GLDN: variants seen among roughly 807,000 people sequenced by gnomAD.
GLDN encodes the protein collomin.
In GLDN, 47 loss-of-function variants were observed where a neutral mutation model predicts 56.5. That is an observed-to-expected ratio of 0.83 (90% CI 0.66 to 1.06). The LOEUF is 1.06. GLDN is among the 50% of genes least tolerant of loss of function. GLDN has a pLI of 0.00. For synonymous variants in GLDN, 332 were observed against 278.8 expected (o/e 1.19, Z -1.90); for missense variants, 782 against 714.3 (o/e 1.09, Z -1.08).
intron 1 of GLDN, among the ~76,000 whole-genome samples, chr15:51,374,736 CTTTTTT>C (rs71297688): frequency 9.1e-6 from 1 of 110,262 alleles, no homozygotes; most frequent in Non-Finnish European, 1.9e-5. Context: ...CTTTCTTTTC[CTTTTTT>C]TTTTTTTTTT....
intron 8 of GLDN, 31 bp downstream of exon 8, chr15:51,400,529 G>T: frequency 6.2e-7 from 1 of 1,600,912 alleles, no homozygotes; most frequent in Non-Finnish European, 8.5e-7. Flanking sequence ...ACCCATATCT[G>T]TGTGGTAACT....
intron 9 of GLDN, among the ~76,000 whole-genome samples, chr15:51,402,446 C>T (rs1292308451): frequency 1.3e-5 from 2 of 152,252 alleles, no homozygotes; most frequent in African/African-American, 2.4e-5. Flanking sequence ...TGGTTTCTGG[C>T]TCCAACTCTT....
intron 4 of GLDN, among the ~76,000 whole-genome samples, chr15:51,392,952 G>A (rs2038053668): frequency 6.6e-6 from 1 of 152,134 alleles, no homozygotes; most frequent in African/African-American, 2.4e-5. Flanking sequence ...AGGACCTCCA[G>A]TAGAATGTTA....
At chr15:51,350,290 C>G (rs559911332) in intron 1 of GLDN, among the ~76,000 whole-genome samples, 1 of 152,178 alleles carries the variant, frequency 6.6e-6, no homozygotes, top group Non-Finnish European at 1.5e-5. Flanking sequence ...GTTTCAAACT[C>G]TATCTGTTCT....
intron 5 of GLDN, among the ~76,000 whole-genome samples, chr15:51,396,646 A>G (rs1298169430): frequency 6.6e-6 from 1 of 152,228 alleles, no homozygotes. Flanking sequence ...AGACTTTGCT[A>G]GTAGCTGGAA....
At chr15:51,366,095 T>C (rs2037395547) in intron 1 of GLDN, among the ~76,000 whole-genome samples, 2 of 152,258 alleles carry the variant, frequency 1.3e-5, no homozygotes, top group Admixed American at 1.3e-4. Context: ...GGGGAAGAAC[T>C]GTCTCAGGGT....
chr15:51,357,494 G>A (rs112332735), intron 1 of GLDN, among the ~76,000 whole-genome samples: 48 of 152,214 alleles, frequency 3.2e-4, no homozygotes, highest in African/African-American at 1.1e-3. Flanking sequence ...CCATTTAAAA[G>A]TGACAAGTGC....
chr15:51,354,170 G>C (rs183983789), intron 1 of GLDN, among the ~76,000 whole-genome samples: 1 of 152,192 alleles, frequency 6.6e-6, no homozygotes, highest in Non-Finnish European at 1.5e-5. Context: ...CCCAGAAAAA[G>C]TCTGTGCTTG....
intron 1 of GLDN, among the ~76,000 whole-genome samples, chr15:51,356,740 A>G (rs746910559): frequency 3.3e-5 from 5 of 152,196 alleles, no homozygotes; most frequent in Non-Finnish European, 7.3e-5. Flanking sequence ...AGCAGTATCT[A>G]ACCTACAAGT....
Position 51,342,037 on chromosome 15 carries a change from C to T in GLDN, c.353C>T (p.Ser118Phe), listed in dbSNP as rs535775353. Residue 118 changes from serine (S) to phenylalanine (F), a missense_variant, in exon 1 of 10, where the codon TCC becomes TTC. Transcript: ENST00000335449. Reference protein sequence around the residue: ...SHDMLMMMTYSMVPIRVMVDL... With the variant: ...SHDMLMMMTYFMVPIRVMVDL... ...GACATGCTGATGATGATGACCTACT[C>T]CATGGTGCCGGTAGGCGGGGTCTCT... is the stretch of plus-strand genomic sequence containing the variant. 2 of 1,593,502 alleles carry T rather than the reference C, an allele frequency of 1.3e-6. No individual in the cohort carries two copies. Among genetic ancestry groups the T allele is most frequent in the East Asian group, 2.3e-5 (1 of 44,268 alleles).
chr15:51,400,797 C>A (rs1298330121), intron 8 of GLDN, among the ~76,000 whole-genome samples: 1 of 152,144 alleles, frequency 6.6e-6, no homozygotes, highest in South Asian at 2.1e-4. Flanking sequence ...GCCTCATAAA[C>A]CTCCAAACCA....
chr15:51,395,243 C>G (rs1285551544), intron 5 of GLDN, among the ~76,000 whole-genome samples: 7 of 152,174 alleles, frequency 4.6e-5, no homozygotes, highest in African/African-American at 1.7e-4. Flanking sequence ...TTCAATATTT[C>G]TTTTCCAAGA....
At chr15:51,378,176 G>A (rs1016600661) in intron 2 of GLDN, among the ~76,000 whole-genome samples, 1 of 152,216 alleles carries the variant, frequency 6.6e-6, no homozygotes, top group African/African-American at 2.4e-5. Context: ...ATATGGGTAT[G>A]TGAATGGAGG....
chr15:51,383,286 T>A, intron 2 of GLDN, 150 bp from the exon 3 acceptor site: 1 of 804,626 alleles, frequency 1.2e-6, no homozygotes, highest in Non-Finnish European at 2.0e-6. Context: ...CTTTAAAGGG[T>A]CTTTTGGCCA....
intron 4 of GLDN, chr15:51,385,123 A>G (rs764098773): frequency 1.3e-5 from 2 of 152,220 alleles, no homozygotes; most frequent in Non-Finnish European, 2.9e-5. Flanking sequence ...ACACAGCAGC[A>G]ATGGATCGTT....
At position 51,358,706 on chromosome 15, in the gene GLDN, G is replaced by A. The variant is rs753889206; in HGVS notation, c.363+16659G>A. Among the ~76,000 whole-genome samples, 12 of 152,266 alleles carry A rather than the reference G, an allele frequency of 7.9e-5. No individual in the cohort carries two copies. The South Asian group carries it at 8.3e-4, about 11-fold the overall frequency. On this transcript the variant is annotated intron_variant, in intron 1 of 9. Coordinates refer to ENST00000335449, the MANE Select transcript of GLDN (RefSeq NM_181789.4). ...TATGTTCTCCTTTCAGATGGGAGAC[G>A]TCCCTCAAAAGCAAAACCACCCCTG...
chr15:51,357,963 C>T (rs1254847026), intron 1 of GLDN, among the ~76,000 whole-genome samples: 1 of 152,134 alleles, frequency 6.6e-6, no homozygotes, highest in South Asian at 2.1e-4. Flanking sequence ...TCCCTCGTAC[C>T]CTGTACCCTA....
At chr15:51,409,608 G>T (rs1398801446), downstream of GLDN, among the ~76,000 whole-genome samples, 1 of 152,176 alleles carries the variant, frequency 6.6e-6, no homozygotes, top group East Asian at 1.9e-4. Context: ...ACATGGCATT[G>T]TCAATGTCCC....
At chr15:51,408,980 C>T (rs189227380), downstream of GLDN, among the ~76,000 whole-genome samples, 51 of 151,310 alleles carry the variant, frequency 3.4e-4, no homozygotes, top group African/African-American at 1.0e-3. Flanking sequence ...TGAATAGTGC[C>T]ACAATAAACA....
Sources: gnomAD v4.1 joint callset for allele counts (sites outside exome capture counted in the v4.1 genomes callset) on GRCh38, gnomAD v4.1.1 for gene constraint, MANE v1.5 for transcripts, NCBI Gene and HGNC (gene_info 2026-07-23, HGNC 2026-07-21) for gene names.